AGGF1: variants seen among roughly 807,000 people sequenced by gnomAD.
AGGF1 encodes angiogenic factor with G-patch and FHA domains 1.
AGGF1 carries 56 observed loss-of-function variants against 86.5 expected under a neutral mutation model. The observed-to-expected ratio is 0.65, with a 90% CI of 0.52 to 0.81. The LOEUF (loss-of-function observed/expected upper bound fraction) is 0.81. AGGF1 is among the 30% of genes least tolerant of loss of function. The pLI is 0.00. For missense variants in AGGF1, 816 were observed against 850.9 expected, an observed-to-expected ratio of 0.96 and a Z score of 0.51; for synonymous variants, 313 against 297.1, an observed-to-expected ratio of 1.05 and a Z score of -0.55.
intron 9 of AGGF1, among the ~76,000 whole-genome samples, chr5:77,053,280 A>C (rs919070546): frequency 6.6e-6 from 1 of 152,200 alleles, no homozygotes; most frequent in Non-Finnish European, 1.5e-5. Flanking sequence ...GCACTTTGGG[A>C]GCCCGAGGCC....
chr5:77,048,982 AGTAAG>A lies in AGGF1; in HGVS notation c.1365+1_1365+5del. The stretch of plus-strand genomic sequence containing the variant: ...TCTCCGAATCCCTGAAGTTGGTGTC[AGTAAG>A]GTAAGCTCTTTGATTTATCAAATAT... On this transcript the variant is annotated frameshift_variant and splice_region_variant, in exon 8 of 14. Transcript: ENST00000312916. LOFTEE classifies it high-confidence loss of function. 6.2e-7 allele frequency: 1 copy of A among 1,613,718 alleles called. No homozygotes were observed. Among genetic ancestry groups the A allele is most frequent in the African/African-American group, 1.3e-5 (1 of 75,056 alleles).
Position 77,055,506 on chromosome 5 carries a change from T to C in AGGF1, c.1634-8T>C. Reference sequence around the variant, plus strand: ...GGCTTTTTTTTAACCAAACTTTTTTTCTTTCAGTTGGTCCAACACTAAGTA... The same window carrying C: ...GGCTTTTTTTTAACCAAACTTTTTTCCTTTCAGTTGGTCCAACACTAAGTA... On this transcript the variant is annotated splice_polypyrimidine_tract_variant and splice_region_variant and intron_variant, in intron 10 of 13. Transcript: ENST00000312916. 1 of 1,582,958 alleles carries C rather than the reference T, an allele frequency of 6.3e-7. No individual in the cohort carries two copies. The highest frequency in any genetic ancestry group is 8.7e-7 in the Non-Finnish European group (1 of 1,153,992).
intron 1 of AGGF1, among the ~76,000 whole-genome samples, chr5:77,031,538 TAAG>T (rs1028413795): frequency 6.6e-6 from 1 of 152,238 alleles, no homozygotes; most frequent in African/African-American, 2.4e-5. Flanking sequence ...TTGGAGACGT[TAAG>T]CAGCTTATTT....
At chr5:77,059,569 T>C in intron 11 of AGGF1, 47 bp from the exon 12 acceptor site, 1 of 1,548,656 alleles carries the variant, frequency 6.5e-7, no homozygotes, top group East Asian at 2.3e-5. Context: ...GAAATTGTTT[T>C]ATTTATCAGC....
chr5:77,039,956 G>A (rs956680913), intron 5 of AGGF1, among the ~76,000 whole-genome samples: 4 of 152,020 alleles, frequency 2.6e-5, no homozygotes, highest in Admixed American at 6.6e-5. Flanking sequence ...AAAATATCTC[G>A]TATATAGTTT....
At chr5:77,040,258 A>G (rs1194283045) in intron 5 of AGGF1, among the ~76,000 whole-genome samples, 1 of 151,772 alleles carries the variant, frequency 6.6e-6, no homozygotes. Context: ...ACAGGCATGC[A>G]CCAACACGTC....
chr5:77,056,898 C>G (rs1747471591), intron 11 of AGGF1, among the ~76,000 whole-genome samples: 2 of 151,630 alleles, frequency 1.3e-5, no homozygotes, highest in Admixed American at 1.3e-4. Context: ...ATACAAAAAA[C>G]TTTCAAAACT....
chr5:77,036,570 A>C lies in AGGF1; in HGVS notation c.531A>C (p.Ala177=). ...ATCTTTTATAGGAGCCAGCATCTGC[A>C]TTAGCAACAGAAGATACCTCCTTAG... ...FASNSQEPAS[A]LATEDTSLEG... is the part of the protein sequence containing the mutation. Residue 177 remains alanine (A), a synonymous_variant, in exon 4 of 14, where the codon GCA becomes GCC. Transcript: ENST00000312916. 6.2e-7 allele frequency: 1 copy of C among 1,614,148 alleles called. No individual in the cohort carries two copies. The highest frequency in any genetic ancestry group is 8.5e-7 in the Non-Finnish European group (1 of 1,179,998).
At chr5:77,042,513 C>T (rs1245481781) in intron 5 of AGGF1, among the ~76,000 whole-genome samples, 7 of 78,286 alleles carry the variant, frequency 8.9e-5, no homozygotes, top group African/African-American at 2.7e-4. Flanking sequence ...ACCTCCCTCC[C>T]GGACGGGGCG....
intron 5 of AGGF1, among the ~76,000 whole-genome samples, chr5:77,043,599 C>G (rs1221504171): frequency 8.5e-6 from 1 of 117,582 alleles, no homozygotes; most frequent in South Asian, 2.8e-4. Context: ...CCCCCCCCCC[C>G]CGGATGGCAC....
intron 6 of AGGF1, among the ~76,000 whole-genome samples, chr5:77,047,377 G>A (rs1340709081): frequency 6.6e-6 from 1 of 152,050 alleles, no homozygotes; most frequent in Non-Finnish European, 1.5e-5. Context: ...ATGCAAATAC[G>A]ATACAATTTA....
Position 77,061,681 on chromosome 5 carries a change from A to G in AGGF1, c.1845-22A>G, listed in dbSNP as rs1747567019. 3.2e-6 allele frequency: 5 copies of G among 1,573,488 alleles called. No homozygotes were observed. The African/African-American group carries it at 4.0e-5, about 13-fold the overall frequency. On this transcript the variant is annotated intron_variant, in intron 12 of 13. Coordinates refer to ENST00000312916, the MANE Select transcript of AGGF1 (RefSeq NM_018046.5). The stretch of plus-strand genomic sequence containing the variant: ...CTAAAAGATCTTTTATAAATCAACT[A>G]TCATTTTAATATTCCTTAAAGTGAA...
chr5:77,051,158 G>A (rs1268420675), intron 8 of AGGF1, among the ~76,000 whole-genome samples: 1 of 152,104 alleles, frequency 6.6e-6, no homozygotes, highest in Non-Finnish European at 1.5e-5. Flanking sequence ...GGGGGGTTGG[G>A]CGCGGTGGCT....
intron 5 of AGGF1, among the ~76,000 whole-genome samples, chr5:77,042,814 A>AC (rs200890288): frequency 3.2e-5 from 1 of 30,910 alleles, no homozygotes; most frequent in Non-Finnish European, 7.9e-5. Flanking sequence ...GCGGGGGCTG[A>AC]CCCCCCCACC....
Position 77,063,447 on chromosome 5 carries a change from T to C in AGGF1, c.*195T>C. On this transcript the variant is annotated 3_prime_UTR_variant, in exon 14 of 14. Transcript: ENST00000312916. The stretch of plus-strand genomic sequence containing the variant: ...AATAAATAGTGACTGAACCAATTTA[T>C]GCAGTAAATAGACTAAAGTTCACAG... The C allele has an allele frequency of 1.6e-6, 1 of 609,558 alleles. No homozygotes were observed. The highest frequency in any genetic ancestry group is 2.9e-5 in the East Asian group (1 of 34,232). The allele number at this position is 609,558 out of a possible 1,614,324, so 37.8% of individuals were successfully genotyped here. A position where few individuals can be genotyped will look rare whatever the true frequency, so the allele number is the denominator to read the frequency against.
At chr5:77,059,988 C>G (rs548000446) in intron 12 of AGGF1, among the ~76,000 whole-genome samples, 4 of 152,136 alleles carry the variant, frequency 2.6e-5, no homozygotes, top group African/African-American at 9.7e-5. Context: ...ATTACAGATG[C>G]GTGCCATCAC....
chr5:77,039,467 G>C lies in AGGF1; in HGVS notation c.682-64G>C, dbSNP rs1747024950. 74 of 1,239,376 alleles carry C rather than the reference G, an allele frequency of 6.0e-5. No homozygotes were observed. The South Asian group carries it at 1.0e-3, about 17-fold the overall frequency. 76.8% of individuals were successfully genotyped at this position (1,239,376 alleles called of 1,614,324 possible). A position where few individuals can be genotyped will look rare whatever the true frequency, so the allele number is the denominator to read the frequency against. ...TATTTACCACATTTGAATGTATTTG[G>C]CATTTTCGTTAAGTTTATTTTATCT... On this transcript the variant is annotated intron_variant, in intron 4 of 13. Transcript: ENST00000312916.
intron 1 of AGGF1, among the ~76,000 whole-genome samples, chr5:77,032,265 A>AC (rs1050434704): frequency 2.7e-5 from 4 of 150,250 alleles, no homozygotes; most frequent in South Asian, 2.1e-4. Flanking sequence ...AAAAAAAAAA[A>AC]AAAAAAAAAC....
At chr5:77,049,120 G>T (rs1329108504) in intron 8 of AGGF1, 133 bp downstream of exon 8, 4 of 752,128 alleles carry the variant, frequency 5.3e-6, no homozygotes, top group Non-Finnish European at 8.9e-6. Flanking sequence ...AATAAAGGCA[G>T]TGCAGATCTG....
Sources: gnomAD v4.1 joint callset for allele counts (sites outside exome capture counted in the v4.1 genomes callset) on GRCh38, gnomAD v4.1.1 for gene constraint, MANE v1.5 for transcripts, NCBI Gene and HGNC (gene_info 2026-07-23, HGNC 2026-07-21) for gene names.